The following CHN1 variants were observed in gnomAD, a reference collection of about 807,000 sequenced individuals.
CHN1 encodes N-chimaerin.
CHN1 carries 37 observed loss-of-function variants against 59.5 expected under a neutral mutation model. The ratio of observed to expected loss-of-function variants is 0.62; its 90% CI spans 0.48 to 0.82. The LOEUF is 0.82. Ranked by LOEUF, CHN1 falls within the 40% of genes least tolerant of loss-of-function variation. The pLI, the probability that CHN1 is intolerant of heterozygous loss-of-function variation, is 0.00. For synonymous variants in CHN1, 206 were observed against 200.4 expected, an observed-to-expected ratio of 1.03 and a Z score of -0.24; for missense variants, 469 against 571.0, an observed-to-expected ratio of 0.82 and a Z score of 1.82.
At position 174,877,900 on chromosome 2, in the gene CHN1, G is replaced by A. The variant is rs2105333694; in HGVS notation, c.489C>T (p.Val163=). The A allele has an allele frequency of 6.2e-7, 1 of 1,613,706 alleles. No individual in the cohort carries two copies. Among genetic ancestry groups the A allele is most frequent in the Non-Finnish European group, 8.5e-7 (1 of 1,179,744 alleles). ...CTCTCTCATCATGTGTCTCTTTCAG[G>A]ACTGGCATATGTTTTTTGTATGCTG... ...REPAYKKHMP[V]LKETHDERDS... The change falls in exon 6 of 13, where the codon GTC becomes GTT. Residue 163 remains valine, a synonymous_variant. Coordinates refer to ENST00000409900, the MANE Select transcript of CHN1 (RefSeq NM_001822.7).
chr2:174,928,276 T>C (rs922136922), intron 3 of CHN1, among the ~76,000 whole-genome samples: 4 of 152,234 alleles, frequency 2.6e-5, no homozygotes, highest in African/African-American at 7.2e-5. Flanking sequence ...TGCTATCATA[T>C]TTTAAGTCAA....
Position 174,900,097 on chromosome 2 carries a change from T to C in CHN1, c.260+14961A>G, listed in dbSNP as rs544280451. Among the ~76,000 whole-genome samples the C allele has an allele frequency of 2.0e-5, 3 of 152,334 alleles. No individual in the cohort carries two copies. The South Asian group carries it at 6.2e-4, about 32-fold the overall frequency. The stretch of plus-strand genomic sequence containing the variant: ...TTAATATTTTGAAGAAAGTATTAAA[T>C]ACAATACAGTTGGGAAAATATTTAT... On this transcript the variant is annotated intron_variant, in intron 5 of 12. Transcript: ENST00000409900.
intron 6 of CHN1, among the ~76,000 whole-genome samples, chr2:174,858,830 T>C (rs555890015): frequency 6.6e-6 from 1 of 152,142 alleles, no homozygotes; most frequent in South Asian, 2.1e-4. Flanking sequence ...AAGGTCCACA[T>C]GTGGTCAGTA....
chr2:174,879,171 C>T (rs554479664), intron 5 of CHN1, among the ~76,000 whole-genome samples: 1 of 152,150 alleles, frequency 6.6e-6, no homozygotes, highest in African/African-American at 2.4e-5. Context: ...CTAAAATAAA[C>T]GCTGTTTAAG....
intron 7 of CHN1, among the ~76,000 whole-genome samples, chr2:174,835,140 C>T (rs1032450024): frequency 6.6e-5 from 10 of 152,024 alleles, no homozygotes; most frequent in Non-Finnish European, 1.2e-4. Flanking sequence ...TGAATTTATC[C>T]AGATGTAATC....
chr2:174,946,046 C>A (rs1253122392), intron 2 of CHN1, among the ~76,000 whole-genome samples: 1 of 152,094 alleles, frequency 6.6e-6, no homozygotes, highest in African/African-American at 2.4e-5. Flanking sequence ...GGATACAGCA[C>A]TGGGGTTAAG....
intron 1 of CHN1, among the ~76,000 whole-genome samples, chr2:174,987,373 T>C (rs1691383276): frequency 6.6e-6 from 1 of 152,034 alleles, no homozygotes; most frequent in Non-Finnish European, 1.5e-5. Context: ...ACTCAAATTA[T>C]ATTACGGCCT....
chr2:174,984,294 G>A (rs576519919), intron 1 of CHN1, among the ~76,000 whole-genome samples: 87 of 145,658 alleles, frequency 6.0e-4, no homozygotes, highest in Non-Finnish European at 7.6e-4. Context: ...AAGTTCCTTA[G>A]TTCTAAAATT....
At chr2:174,922,045 CATA>C (rs1430552423) in intron 3 of CHN1, among the ~76,000 whole-genome samples, 1 of 152,032 alleles carries the variant, frequency 6.6e-6, no homozygotes, top group African/African-American at 2.4e-5. Flanking sequence ...GGCCTTGTTC[CATA>C]ATAATTTCTC....
At chr2:174,906,118 T>C (rs1217712227) in intron 5 of CHN1, among the ~76,000 whole-genome samples, 4 of 151,020 alleles carry the variant, frequency 2.6e-5, no homozygotes, top group Non-Finnish European at 5.9e-5. Flanking sequence ...CCTAGGTATA[T>C]ACCCAAAAGA....
At chr2:174,990,588 G>A (rs1019766006) in intron 1 of CHN1, among the ~76,000 whole-genome samples, 4 of 152,062 alleles carry the variant, frequency 2.6e-5, no homozygotes, top group Admixed American at 2.6e-4. Flanking sequence ...AGCGATGTCT[G>A]TTGCCCCCTT....
chr2:174,979,920 A>G (rs765253957), intron 1 of CHN1, among the ~76,000 whole-genome samples: 8 of 152,138 alleles, frequency 5.3e-5, no homozygotes, highest in Non-Finnish European at 1.0e-4. Flanking sequence ...AGATGTACAC[A>G]GTATTAACAT....
chr2:174,900,086 A>C (rs1688341446), intron 5 of CHN1, among the ~76,000 whole-genome samples: 1 of 152,272 alleles, frequency 6.6e-6, no homozygotes, highest in South Asian at 2.1e-4. Flanking sequence ...TATTTTGAAG[A>C]AAGTATTAAA....
chr2:174,998,333 T>C (rs1691779489), intron 1 of CHN1, among the ~76,000 whole-genome samples: 1 of 132,022 alleles, frequency 7.6e-6, no homozygotes, highest in African/African-American at 2.9e-5. Context: ...GATACGAGAT[T>C]AAAAAAAAAA....
chr2:174,807,532 C>CAATCAGACTT, intron 11 of CHN1, among the ~76,000 whole-genome samples: 1 of 139,562 alleles, frequency 7.2e-6, no homozygotes, highest in South Asian at 2.4e-4. Flanking sequence ...AGATGAGTGG[C>CAATCAGACTT]AATCAGACTT....
intron 5 of CHN1, among the ~76,000 whole-genome samples, chr2:174,904,039 G>C (rs1688467187): frequency 6.6e-6 from 1 of 152,036 alleles, no homozygotes; most frequent in Non-Finnish European, 1.5e-5. Context: ...GAGGCAGGTG[G>C]ATCACCTGTG....
intron 1 of CHN1, among the ~76,000 whole-genome samples, chr2:174,965,332 A>G (rs1186528105): frequency 1.3e-5 from 2 of 152,062 alleles, no homozygotes; most frequent in Admixed American, 6.6e-5. Flanking sequence ...TATATAATCT[A>G]TATCTTATGC....
intron 7 of CHN1, among the ~76,000 whole-genome samples, chr2:174,826,787 T>A (rs1685695843): frequency 6.6e-6 from 1 of 152,204 alleles, no homozygotes; most frequent in Non-Finnish European, 1.5e-5. Flanking sequence ...AAGAGAGGAT[T>A]TTAACTGTCC....
At chr2:174,985,295 A>C (rs1447542770) in intron 1 of CHN1, among the ~76,000 whole-genome samples, 1 of 152,232 alleles carries the variant, frequency 6.6e-6, no homozygotes, top group Non-Finnish European at 1.5e-5. Context: ...TGACAATGTT[A>C]ATGTAAACAG....
Sources: allele counts gnomAD v4.1 joint callset (sites outside exome capture counted in the v4.1 genomes callset), GRCh38; gene constraint gnomAD v4.1.1; transcripts MANE v1.5; gene names NCBI Gene and HGNC (gene_info 2026-07-23, HGNC 2026-07-21).